Variants in BFSP1 observed in about 807,000 individuals in gnomAD.
BFSP1 encodes beaded filament structural protein 1.
In BFSP1, 38 loss-of-function variants were observed where a neutral mutation model predicts 43.9. The observed-to-expected ratio is 0.87, with a 90% CI of 0.67 to 1.14. The LOEUF is 1.14. Ranked by LOEUF, BFSP1 falls within the 50% of genes most tolerant of loss-of-function variation. The pLI is 0.00. For missense variants in BFSP1, 850 were observed against 875.1 expected, an observed-to-expected ratio of 0.97 and a Z score of 0.36; for synonymous variants, 352 against 354.8, an observed-to-expected ratio of 0.99 and a Z score of 0.09.
At chr20:17,558,783 T>A in exon 1 of BFSP1, 1 of 1,529,184 alleles carries the variant, frequency 6.5e-7, no homozygotes, top group Non-Finnish European at 8.8e-7. Context: ...GTACCCTGCC[T>A]ACCCAGGACT....
intron 7 of BFSP1, among the ~76,000 whole-genome samples, chr20:17,496,224 T>C (rs1216104690): frequency 6.6e-6 from 1 of 152,248 alleles, no homozygotes; most frequent in Admixed American, 6.5e-5. Flanking sequence ...TTTCCAACCA[T>C]GTTGACTCTG....
At chr20:17,567,072 G>A (rs779165768) in intron 1 of BFSP1, among the ~76,000 whole-genome samples, 17 of 151,968 alleles carry the variant, frequency 1.1e-4, no homozygotes, top group Admixed American at 4.6e-4. Flanking sequence ...TTCAGCTTCC[G>A]GAGGGCATAA....
At chr20:17,535,580 T>C (rs2034614238), upstream of BFSP1, among the ~76,000 whole-genome samples, 1 of 152,202 alleles carries the variant, frequency 6.6e-6, no homozygotes, top group African/African-American at 2.4e-5. Context: ...ACCCATGATG[T>C]ATGCAACTTA....
intron 1 of BFSP1, among the ~76,000 whole-genome samples, chr20:17,545,481 G>A (rs1489119133): frequency 1.3e-5 from 2 of 152,324 alleles, no homozygotes; most frequent in South Asian, 2.1e-4. Context: ...GGAGGGGGCC[G>A]GGCACGGTGG....
At chr20:17,545,358 TCAACAAGG>T (rs140697892) in intron 1 of BFSP1, among the ~76,000 whole-genome samples, 1,598 of 152,324 alleles carry the variant, frequency 0.01, 25 homozygotes, top group African/African-American at 0.037. Flanking sequence ...CTGGCCAGCA[TCAACAAGG>T]CTGTAAATTA....
At chr20:17,539,517 C>A (rs997269224) in intron 1 of BFSP1, among the ~76,000 whole-genome samples, 1 of 151,986 alleles carries the variant, frequency 6.6e-6, no homozygotes, top group African/African-American at 2.4e-5. Context: ...GAGGCTGAGG[C>A]AGGTGGATTG....
Position 17,568,206 on chromosome 20 carries a change from T to C in BFSP1, n.50+965A>G, listed in dbSNP as rs938232135. The stretch of plus-strand genomic sequence containing the variant: ...AGGCAGACGGGCCAGACTGACCTGC[T>C]GAGGGTTATGGAGGAAGCCACAGCA... On this transcript the variant is annotated intron_variant and non_coding_transcript_variant, in intron 1 of 6. Transcript: ENST00000473415. Among the ~76,000 whole-genome samples, 4 of 152,038 alleles carry C rather than the reference T, an allele frequency of 2.6e-5. No individual in the cohort carries two copies. The South Asian group carries it at 6.2e-4, about 24-fold the overall frequency.
chr20:17,509,555 G>A (rs73107003), intron 4 of BFSP1, among the ~76,000 whole-genome samples: 22,555 of 152,118 alleles, frequency 0.15, 1,769 homozygotes, highest in Middle Eastern at 0.21. Flanking sequence ...CCAGAGCTTA[G>A]ACCTGGCTGT....
At chr20:17,519,288 G>A (rs956347281) in intron 2 of BFSP1, among the ~76,000 whole-genome samples, 3 of 152,186 alleles carry the variant, frequency 2.0e-5, no homozygotes, top group Admixed American at 6.5e-5. Context: ...TAAGCCACAT[G>A]TGCCATCCTT....
chr20:17,508,316 T>C (rs1380993275), intron 5 of BFSP1, among the ~76,000 whole-genome samples: 8 of 152,220 alleles, frequency 5.3e-5, no homozygotes, highest in Non-Finnish European at 1.0e-4. Context: ...TTTTCTGTTT[T>C]GTTTTCAAAT....
intron 1 of BFSP1, among the ~76,000 whole-genome samples, chr20:17,547,124 C>T (rs2424081): frequency 0.37 from 56,185 of 151,490 alleles, 12,665 homozygotes; most frequent in South Asian, 0.53. Flanking sequence ...TCCTTGAGTC[C>T]GGGAGTTTGA....
At chr20:17,503,011 G>A (rs1395675477) in intron 5 of BFSP1, among the ~76,000 whole-genome samples, 1 of 152,198 alleles carries the variant, frequency 6.6e-6, no homozygotes, top group Non-Finnish European at 1.5e-5. Flanking sequence ...GGGCTCATGA[G>A]ACAGACTATT....
chr20:17,526,117 CTTTTTCTGTT>C (rs1337239730), intron 1 of BFSP1, among the ~76,000 whole-genome samples: 3 of 76,830 alleles, frequency 3.9e-5, no homozygotes, highest in African/African-American at 5.9e-5. Context: ...GCCAGTATCA[CTTTTTCTGTT>C]TTTTTCTGTA....
intron 3 of BFSP1, among the ~76,000 whole-genome samples, chr20:17,513,765 G>A (rs987640355): frequency 1.3e-5 from 2 of 152,248 alleles, no homozygotes; most frequent in African/African-American, 4.8e-5. Context: ...AACATGACGG[G>A]TGGAGTGGGA....
chr20:17,517,987 G>A (rs902640628), intron 2 of BFSP1, among the ~76,000 whole-genome samples: 1 of 152,130 alleles, frequency 6.6e-6, no homozygotes, highest in Non-Finnish European at 1.5e-5. Context: ...GGACACCAGT[G>A]TCCAGAGTCA....
chr20:17,496,795 G>A, intron 7 of BFSP1, 143 bp downstream of exon 7: 1 of 733,910 alleles, frequency 1.4e-6, no homozygotes, highest in Non-Finnish European at 2.1e-6. Context: ...GAGGGCAGAG[G>A]GTGGGAAGGA....
intron 1 of BFSP1, among the ~76,000 whole-genome samples, chr20:17,538,786 A>G (rs1458324915): frequency 2.6e-5 from 4 of 152,184 alleles, no homozygotes; most frequent in African/African-American, 9.7e-5. Context: ...CTGCGTTTGG[A>G]GAAGTGTCTT....
rs2034409046 is a variant in BFSP1 at position 17,525,915 on chromosome 20, T to A, written c.378-1007A>T. 6.6e-6 allele frequency among the ~76,000 whole-genome samples: 1 copy of A among 151,866 alleles called. No homozygotes were observed. Among genetic ancestry groups the A allele is most frequent in the African/African-American group, 2.4e-5 (1 of 41,318 alleles). ...CCAGATACCTTTAGTTAAGTAATGG[T>A]GTATGTGTGCCCTTTGCTTCTCATT... On this transcript the variant is annotated intron_variant, in intron 1 of 7. Coordinates refer to ENST00000377873, the MANE Select transcript of BFSP1 (RefSeq NM_001195.5). This position sits in a 1 kb window ranked among gnomAD's most constrained non-coding sequence, Gnocchi z 4.2.
In BFSP1 at chr20:17,494,910, C is replaced by A. The variant is rs755063095; in HGVS notation, c.1162G>T (p.Asp388Tyr). The change falls in exon 8 of 8, where the codon GAT becomes TAT. Residue 388 changes from aspartate (D) to tyrosine (Y), a missense_variant. Coordinates refer to ENST00000377873, the MANE Select transcript of BFSP1 (RefSeq NM_001195.5). Reference sequence around the variant, plus strand: ...TCTTCCAAACCTTTTAATGGTGCATCTTCCAGAGCTCCGTTGGTTTTGTCT... The same window carrying A: ...TCTTCCAAACCTTTTAATGGTGCATATTCCAGAGCTCCGTTGGTTTTGTCT... Reference protein sequence around the residue: ...TKDKTNGALEDAPLKGLEDTK... With the variant: ...TKDKTNGALEYAPLKGLEDTK... The A allele has an allele frequency of 4.3e-6, 7 of 1,614,088 alleles. No individual in the cohort carries two copies. Among genetic ancestry groups the A allele is most frequent in the Middle Eastern group, 1.6e-4 (1 of 6,084 alleles).
Sources: gnomAD v4.1 joint callset for allele counts (sites outside exome capture counted in the v4.1 genomes callset) on GRCh38, gnomAD v4.1.1 for gene constraint, Gnocchi (gnomAD v3.1) non-coding constraint, MANE v1.5 for transcripts, NCBI Gene and HGNC (gene_info 2026-07-23, HGNC 2026-07-21) for gene names.